Variants in TCF4 observed in about 807,000 individuals in gnomAD.
TCF4 encodes the protein SL3-3 enhancer factor 2.
Under a neutral mutation model 82.1 loss-of-function variants are expected in TCF4, and 3 were observed. The ratio of observed to expected loss-of-function variants is 0.04; its 90% confidence interval spans 0.02 to 0.09. The LOEUF (loss-of-function observed/expected upper bound fraction) is 0.09. Ranked by LOEUF, TCF4 falls within the 10% of genes least tolerant of loss-of-function variation. TCF4 has a pLI of 1.00. For missense variants in TCF4, 518 were observed against 852.7 expected (o/e 0.61, Z 4.89); for synonymous variants, 276 against 309.6 (o/e 0.89, Z 1.14).
intron 8 of TCF4, among the ~76,000 whole-genome samples, chr18:55,340,707 C>T (rs2079753553): frequency 6.6e-6 from 1 of 151,730 alleles, no homozygotes; most frequent in African/African-American, 2.4e-5. Flanking sequence ...CTGCTAACTA[C>T]TCCTAAGTAG....
At chr18:55,634,821 T>C (rs2097734734) in intron 1 of TCF4, among the ~76,000 whole-genome samples, 1 of 152,128 alleles carries the variant, frequency 6.6e-6, no homozygotes, top group African/African-American at 2.4e-5. Context: ...AGAAGTGATA[T>C]TGCACAGAAA....
chr18:55,566,546 G>C (rs1001587844), intron 3 of TCF4, among the ~76,000 whole-genome samples: 4 of 152,146 alleles, frequency 2.6e-5, no homozygotes, highest in South Asian at 2.1e-4. Context: ...GCATAATTTA[G>C]AGAGAACCAA....
intron 3 of TCF4, among the ~76,000 whole-genome samples, chr18:55,465,445 T>TC (rs986568176): frequency 1.3e-5 from 2 of 152,072 alleles, no homozygotes; most frequent in Non-Finnish European, 1.5e-5. Context: ...AAATATTATT[T>TC]CACTTCCTTT....
chr18:55,397,178 G>A (rs968302609), intron 6 of TCF4, among the ~76,000 whole-genome samples: 1 of 152,146 alleles, frequency 6.6e-6, no homozygotes, highest in African/African-American at 2.4e-5. Flanking sequence ...ATTAAAGTTA[G>A]CATTACCAAC....
At chr18:55,283,997 T>C (rs1030495361) in intron 8 of TCF4, among the ~76,000 whole-genome samples, 4 of 152,178 alleles carry the variant, frequency 2.6e-5, no homozygotes, top group Admixed American at 2.0e-4. Flanking sequence ...TAAAAAATAA[T>C]TCCTTGCTTT....
chr18:55,388,533 T>C (rs2146060504), intron 6 of TCF4, among the ~76,000 whole-genome samples: 1 of 152,328 alleles, frequency 6.6e-6, no homozygotes, highest in South Asian at 2.1e-4. Flanking sequence ...TCTTTAGAAA[T>C]GCACATTTTT....
chr18:55,584,046 T>A (rs1380933790), intron 3 of TCF4, among the ~76,000 whole-genome samples: 2 of 152,012 alleles, frequency 1.3e-5, no homozygotes, highest in African/African-American at 2.4e-5. Context: ...ACAAGAAGCA[T>A]CTCACATTTT....
intron 13 of TCF4, chr18:55,259,661 G>A: frequency 8.5e-6 from 3 of 351,136 alleles, no homozygotes; most frequent in South Asian, 4.2e-5. Flanking sequence ...ACATTATTCT[G>A]CCGTTGGGTG....
At chr18:55,510,824 A>T in intron 3 of TCF4, 15 of 1,105,548 alleles carry the variant, frequency 1.4e-5, no homozygotes, top group Non-Finnish European at 1.7e-5. Context: ...AGGGGAAATG[A>T]TACTGGCTGT....
At chr18:55,272,064 C>A (rs900766064) in intron 10 of TCF4, among the ~76,000 whole-genome samples, 1 of 151,966 alleles carries the variant, frequency 6.6e-6, no homozygotes, top group Non-Finnish European at 1.5e-5. Context: ...ATAATCACAT[C>A]GGTGAGAATC....
intron 6 of TCF4, among the ~76,000 whole-genome samples, chr18:55,396,572 T>C (rs2093504345): frequency 6.6e-6 from 1 of 152,066 alleles, no homozygotes; most frequent in Admixed American, 6.6e-5. Context: ...TTACTAGCAA[T>C]TATAGAGTGG....
chr18:55,513,303 A>G (rs1439148452), intron 3 of TCF4, among the ~76,000 whole-genome samples: 1 of 151,980 alleles, frequency 6.6e-6, no homozygotes, highest in Admixed American at 6.6e-5. Flanking sequence ...GGCATGATGA[A>G]GAGTGGAAAA....
chr18:55,430,684 C>T (rs1245343379), intron 5 of TCF4, among the ~76,000 whole-genome samples: 2 of 151,874 alleles, frequency 1.3e-5, no homozygotes, highest in South Asian at 2.1e-4. Context: ...GCAAGTTAGA[C>T]GTTTTTAACA....
chr18:55,627,770 A>G (rs990156875), intron 2 of TCF4, among the ~76,000 whole-genome samples: 21 of 145,690 alleles, frequency 1.4e-4, no homozygotes, highest in African/African-American at 5.2e-4. Context: ...ATCTCAAAAA[A>G]CAAAACAAGG....
At chr18:55,236,318 G>C (rs1226444422) in intron 15 of TCF4, among the ~76,000 whole-genome samples, 1 of 152,120 alleles carries the variant, frequency 6.6e-6, no homozygotes, top group Non-Finnish European at 1.5e-5. Context: ...TGGCCTCTGT[G>C]GGGTGCTTCA....
chr18:55,634,192 C>T (rs1278589419), intron 1 of TCF4, among the ~76,000 whole-genome samples: 1 of 151,956 alleles, frequency 6.6e-6, no homozygotes, highest in African/African-American at 2.4e-5. Context: ...TGGCTTGAGC[C>T]CAGGAGGTGG....
chr18:55,606,920 G>A (rs944295298), intron 2 of TCF4, among the ~76,000 whole-genome samples: 1 of 151,998 alleles, frequency 6.6e-6, no homozygotes, highest in Admixed American at 6.6e-5. Context: ...TCAAAATCTG[G>A]TAACTTGATA....
At chr18:55,408,780 C>T (rs1407959927) in intron 5 of TCF4, among the ~76,000 whole-genome samples, 3 of 151,822 alleles carry the variant, frequency 2.0e-5, no homozygotes, top group Non-Finnish European at 4.4e-5. Flanking sequence ...CCAGACTGTG[C>T]TCTTAGCACT....
chr18:55,464,083 G>A lies in TCF4; in HGVS notation c.200C>T (p.Pro67Leu), dbSNP rs763329139. 8.1e-6 allele frequency: 13 copies of A among 1,613,666 alleles called. No individual in the cohort carries two copies. Among genetic ancestry groups the A allele is most frequent in the Admixed American group, 1.7e-5 (1 of 59,974 alleles). ...AAGATTAGATATACTTACCCTGGACGGGCTTGGATGTCCTCCATTCCCCCA... is the reference window on the plus strand; with the variant it reads ...AAGATTAGATATACTTACCCTGGACAGGCTTGGATGTCCTCCATTCCCCCA... ...GSWGNGGHPS[P>L]SRNYGDGTPY... The change falls in exon 4 of 20, where the codon CCG becomes CTG. Residue 67 changes from proline (P) to leucine (L), a missense_variant. Pro to Leu is a moderately conservative substitution (Grantham distance 98). This residue lies in a region of TCF4 where 80 missense variants were observed against 93.8 expected (regional missense o/e 0.85). Transcript: ENST00000354452.
Sources: allele counts gnomAD v4.1 joint callset (sites outside exome capture counted in the v4.1 genomes callset), GRCh38; gene constraint gnomAD v4.1.1; regional missense constraint gnomAD v4.1.1; transcripts MANE v1.5; gene names NCBI Gene and HGNC (gene_info 2026-07-23, HGNC 2026-07-21).